The following SLC13A1 variants were observed in gnomAD, a reference collection of about 807,000 sequenced individuals.
The protein encoded by SLC13A1 is Na(+)/sulfate cotransporter.
A neutral mutation model predicts 70.0 loss-of-function variants in SLC13A1; 65 were observed. The observed-to-expected ratio is 0.93, with a 90% CI of 0.76 to 1.14. The LOEUF (loss-of-function observed/expected upper bound fraction) is 1.14, where lower values mean the gene tolerates loss of function less well. SLC13A1 is among the 50% of genes most tolerant of loss of function. SLC13A1 has a pLI of 0.00. For missense variants in SLC13A1, 726 were observed against 717.8 expected (o/e 1.01, Z -0.13); for synonymous variants, 275 against 250.5 (o/e 1.10, Z -0.92).
At position 123,117,678 on chromosome 7, in the gene SLC13A1, A is replaced by T. The variant is rs1157153221; in HGVS notation, c.1513-70T>A. ...AGACACGAAACATAAAAAAAAAAAAAGTATTACAATAAGCCTTCCCAGAAG... is the reference window on the plus strand; with the variant it reads ...AGACACGAAACATAAAAAAAAAAAATGTATTACAATAAGCCTTCCCAGAAG... On this transcript the variant is annotated intron_variant, in intron 13 of 14. Transcript: ENST00000194130. 5.2e-6 allele frequency: 5 copies of T among 953,902 alleles called. No individual in the cohort carries two copies. The African/African-American group carries it at 6.6e-5, about 13-fold the overall frequency. The allele number at this position is 953,902 out of a possible 1,614,324, so 59.1% of individuals were successfully genotyped here.
chr7:123,115,655 C>T lies in SLC13A1; in HGVS notation c.1651G>A (p.Val551Ile). 6.2e-7 allele frequency: 1 copy of T among 1,613,518 alleles called. No individual in the cohort carries two copies. The highest frequency in any genetic ancestry group is 1.3e-5 in the African/African-American group (1 of 75,024). The change falls in exon 15 of 15, where the codon GTT (valine) becomes ATT (isoleucine). Residue 551 changes from valine (V) to isoleucine (I), a missense_variant and splice_region_variant. Val to Ile is a conservative substitution (Grantham distance 29). Transcript: ENST00000194130. ...SYGHLKVIDM[V>I]KAGLGVNIVG... is the part of the protein sequence containing the mutation. ...ATGTTGACACCAAGTCCAGCTTTAA[C>T]CTTGAACAGGAAAGAGCATAAATGT...
chr7:123,160,102 T>C (rs1489920914), intron 6 of SLC13A1, among the ~76,000 whole-genome samples: 1 of 151,886 alleles, frequency 6.6e-6, no homozygotes, highest in Non-Finnish European at 1.5e-5. Context: ...GCCAACATAG[T>C]GACATCCCTT....
At position 123,199,834 on chromosome 7, in the gene SLC13A1, C is replaced by G. The variant is rs776134180; in HGVS notation, c.99+14G>C. 3 of 1,580,126 alleles carry G rather than the reference C, an allele frequency of 1.9e-6. No individual in the cohort carries two copies. Among genetic ancestry groups the G allele is most frequent in the African/African-American group, 2.7e-5 (2 of 74,130 alleles). On this transcript the variant is annotated intron_variant, in intron 1 of 14. Coordinates refer to ENST00000194130, the MANE Select transcript of SLC13A1 (RefSeq NM_022444.4). Reference sequence around the variant, plus strand: ...GTCAGGAAATCCACCAGTCTGTTCTCCAGGTTCACTCACCTTGGTGTGGAG... The same window carrying G: ...GTCAGGAAATCCACCAGTCTGTTCTGCAGGTTCACTCACCTTGGTGTGGAG...
intron 1 of SLC13A1, among the ~76,000 whole-genome samples, chr7:123,188,192 T>C (rs1308121966): frequency 6.6e-6 from 1 of 152,124 alleles, no homozygotes; most frequent in Non-Finnish European, 1.5e-5. Context: ...AAGGGGCTCT[T>C]CCCCCTTAAT....
At chr7:123,189,230 AC>A (rs1795920199) in intron 1 of SLC13A1, among the ~76,000 whole-genome samples, 1 of 151,784 alleles carries the variant, frequency 6.6e-6, no homozygotes, top group Non-Finnish European at 1.5e-5. Flanking sequence ...GGAATCTAAC[AC>A]TTTTTTTTTC....
At chr7:123,188,711 C>G (rs1795898067) in intron 1 of SLC13A1, among the ~76,000 whole-genome samples, 1 of 152,028 alleles carries the variant, frequency 6.6e-6, no homozygotes, top group African/African-American at 2.4e-5. Flanking sequence ...TAGTCTCTGG[C>G]TTGTCTATGA....
At position 123,199,891 on chromosome 7, in the gene SLC13A1, G is replaced by C. The variant is rs369965765; in HGVS notation, c.56C>G (p.Thr19Ser). ...VYRRFLFVVF[T>S]VLVLLPLPIV... ...GGGCAGAGGTAGTAAAACCAACACA[G>C]TGAAAACCACGAAGAGAAATCGGCG... The change falls in exon 1 of 15, where the codon ACT becomes AGT. Residue 19 changes from threonine to serine, a missense_variant. By Grantham distance (58) the Thr-to-Ser change is moderately conservative. Transcript: ENST00000194130. The C allele has an allele frequency of 9.3e-6, 15 of 1,613,054 alleles. No homozygotes were observed. The highest frequency in any genetic ancestry group is 1.3e-5 in the Non-Finnish European group (15 of 1,179,366).
chr7:123,184,019 T>C (rs1410557519), intron 1 of SLC13A1, among the ~76,000 whole-genome samples: 3 of 151,816 alleles, frequency 2.0e-5, no homozygotes, highest in Non-Finnish European at 4.4e-5. Flanking sequence ...ATGTCTTTGA[T>C]AGCTGCCTTC....
rs369660730 is a variant in SLC13A1 at position 123,199,968 on chromosome 7, A to G, written c.-22T>C. The G allele has an allele frequency of 2.4e-5, 37 of 1,511,694 alleles. No individual in the cohort carries two copies. The highest frequency in any genetic ancestry group is 3.2e-5 in the Non-Finnish European group (35 of 1,091,240). The allele number at this position is 1,511,694 out of a possible 1,614,324, so 93.6% of individuals were successfully genotyped here. A position where few individuals can be genotyped will look rare whatever the true frequency, so the allele number is the denominator to read the frequency against. ...TCATTGTCCTGAGCAGGTGGCTTCA[A>G]TAGTGTCCTCCAAATAAAGCAGATG... On this transcript the variant is annotated 5_prime_UTR_variant, in exon 1 of 15. Coordinates refer to ENST00000194130, the MANE Select transcript of SLC13A1 (RefSeq NM_022444.4).
chr7:123,141,552 C>G (rs1794145404), intron 7 of SLC13A1, among the ~76,000 whole-genome samples: 1 of 151,868 alleles, frequency 6.6e-6, no homozygotes, highest in South Asian at 2.1e-4. Context: ...CTTTCTCTCT[C>G]TCTCTCCCTC....
At chr7:123,126,464 C>T (rs761403792) in intron 10 of SLC13A1, among the ~76,000 whole-genome samples, 3 of 152,064 alleles carry the variant, frequency 2.0e-5, no homozygotes, top group Non-Finnish European at 4.4e-5. Context: ...TAATAATTAG[C>T]ATTTAGTGTT....
At position 123,117,504 on chromosome 7, in the gene SLC13A1, GAC is replaced by G; in HGVS notation, c.1615_1616del (p.Val539LeufsTer10). ...TGACTTTCAGATGACCATATGAAAA[GAC>G]AATAGCATTGGGTGGATTTGCTACT... ...LPVANPPNAI[V>X]FSYGHLKVID... On this transcript the variant is annotated frameshift_variant, in exon 14 of 15. Transcript: ENST00000194130. LOFTEE classifies it high-confidence loss of function. The G allele has an allele frequency of 6.2e-7, 1 of 1,613,352 alleles. No homozygotes were observed. Among genetic ancestry groups the G allele is most frequent in the South Asian group, 1.1e-5 (1 of 91,036 alleles).
At chr7:123,117,072 G>T (rs1793204615) in intron 14 of SLC13A1, among the ~76,000 whole-genome samples, 1 of 152,120 alleles carries the variant, frequency 6.6e-6, no homozygotes, top group Admixed American at 6.6e-5. Flanking sequence ...AAATGTTGGT[G>T]CATAAATGTT....
At chr7:123,130,754 T>G (rs1793729395) in intron 8 of SLC13A1, among the ~76,000 whole-genome samples, 1 of 152,162 alleles carries the variant, frequency 6.6e-6, no homozygotes, top group African/African-American at 2.4e-5. Context: ...TCTATTACAT[T>G]TTTTTCTTTA....
intron 3 of SLC13A1, among the ~76,000 whole-genome samples, chr7:123,171,193 G>A (rs554981523): frequency 1.8e-4 from 27 of 152,116 alleles, no homozygotes; most frequent in Admixed American, 3.3e-4. Context: ...AAATAAAACC[G>A]AAATAGCCAA....
chr7:123,161,944 A>G (rs905042702), intron 6 of SLC13A1, among the ~76,000 whole-genome samples: 1 of 151,978 alleles, frequency 6.6e-6, no homozygotes, highest in Admixed American at 6.6e-5. Flanking sequence ...CAAAATATTT[A>G]GTCACGTTTT....
At chr7:123,118,046 C>T (rs1395822346) in intron 13 of SLC13A1, among the ~76,000 whole-genome samples, 2 of 151,558 alleles carry the variant, frequency 1.3e-5, no homozygotes, top group East Asian at 1.9e-4. Context: ...CTACTATAAC[C>T]TCAAATAACA....
intron 7 of SLC13A1, among the ~76,000 whole-genome samples, chr7:123,145,511 A>G (rs764594990): frequency 1.3e-5 from 2 of 152,238 alleles, no homozygotes; most frequent in African/African-American, 4.8e-5. Flanking sequence ...ATTCACAGAC[A>G]GGAACTAAGA....
intron 1 of SLC13A1, among the ~76,000 whole-genome samples, chr7:123,197,941 T>C (rs1281831120): frequency 6.6e-6 from 1 of 152,148 alleles, no homozygotes; most frequent in African/African-American, 2.4e-5. Context: ...GTCATGCATT[T>C]ATATGTAAAA....
Sources: allele counts gnomAD v4.1 joint callset (sites outside exome capture counted in the v4.1 genomes callset), GRCh38; gene constraint gnomAD v4.1.1; transcripts MANE v1.5; gene names NCBI Gene and HGNC (gene_info 2026-07-23, HGNC 2026-07-21).